Variants in IRX4 observed in about 807,000 individuals in gnomAD.
IRX4 encodes the protein iroquois homeobox 4.
IRX4 carries 22 observed loss-of-function variants against 32.0 expected under a neutral mutation model. The ratio of observed to expected loss-of-function variants is 0.69; its 90% CI spans 0.49 to 0.98. IRX4 has a LOEUF of 0.98. Among genes scored for constraint, IRX4 ranks in the 50% least tolerant of loss-of-function variants. IRX4 has a pLI of 0.00. For synonymous variants in IRX4, 379 were observed against 351.7 expected, an observed-to-expected ratio of 1.08 and a Z score of -0.87; for missense variants, 840 against 744.2, an observed-to-expected ratio of 1.13 and a Z score of -1.50.
chr5:1,884,714 C>G (rs569410466), upstream of IRX4: 16 of 152,362 alleles, frequency 1.1e-4, no homozygotes, highest in East Asian at 2.7e-3. Context: ...TCACCTGAAT[C>G]GCTAATATCA....
chr5:1,881,670 A>G (rs1735444893), intron 2 of IRX4, 138 bp downstream of exon 2: 1 of 1,102,748 alleles, frequency 9.1e-7, no homozygotes, highest in Non-Finnish European at 1.3e-6. Flanking sequence ...TGGGAGGCGC[A>G]AAGTTGAAGG....
intron 2 of IRX4, 76 bp from the exon 3 acceptor site, chr5:1,880,910 C>A (rs978875948): frequency 1.4e-5 from 16 of 1,119,046 alleles, no homozygotes; most frequent in Non-Finnish European, 2.2e-5. Context: ...AGGAGCCCCC[C>A]ACTCCCAAAG....
chr5:1,881,452 G>A (rs1689722), intron 2 of IRX4, among the ~76,000 whole-genome samples: 4 of 151,738 alleles, frequency 2.6e-5, no homozygotes, highest in African/African-American at 9.7e-5. Flanking sequence ...GAAGAGGGAG[G>A]CCAGGAGCCT....
chr5:1,882,458 GT>G, intron 1 of IRX4, 144 bp downstream of exon 1: 1 of 710,964 alleles, frequency 1.4e-6, no homozygotes, highest in South Asian at 1.9e-5. Flanking sequence ...GGGAGCAGGG[GT>G]TGGGCGTGAG....
chr5:1,886,595 C>G (rs1158906591), upstream of IRX4, among the ~76,000 whole-genome samples: 1 of 152,148 alleles, frequency 6.6e-6, no homozygotes, highest in Non-Finnish European at 1.5e-5. Flanking sequence ...CCGCGGCCCT[C>G]TCCCTCCTCT....
chr5:1,881,408 G>C (rs959316128), intron 2 of IRX4, among the ~76,000 whole-genome samples: 9 of 150,476 alleles, frequency 6.0e-5, no homozygotes, highest in Non-Finnish European at 1.2e-4. Context: ...GAGGGAGATA[G>C]GAAGGATGAG....
chr5:1,879,084 A>G (rs920672927), intron 4 of IRX4, among the ~76,000 whole-genome samples: 2 of 150,750 alleles, frequency 1.3e-5, no homozygotes, highest in Admixed American at 6.6e-5. Flanking sequence ...CTCCGCCTCC[A>G]GGGTTCAGGG....
chr5:1,884,977 G>GC (rs1418232561), upstream of IRX4, among the ~76,000 whole-genome samples: 3 of 149,606 alleles, frequency 2.0e-5, no homozygotes, highest in Non-Finnish European at 3.0e-5. Context: ...TGTGAGCCCA[G>GC]CCGGGCCAAG....
intron 2 of IRX4, among the ~76,000 whole-genome samples, chr5:1,881,340 G>C (rs1407704734): frequency 7.7e-6 from 1 of 129,628 alleles, no homozygotes; most frequent in Non-Finnish European, 1.6e-5. Context: ...GCAAGGGTGG[G>C]GGAGGAGCAA....
In IRX4 at chr5:1,878,539, C is replaced by A. The variant is rs1017199017; in HGVS notation, c.990G>T (p.Ala330=). ...CCGGCAGTGGCTCCGGCCCGGCCGC[C>A]GCGCTGCGGAGACAGCTCCGGGCCC... ...LERARSCLRS[A]AAGPEPLPGA... Residue 330 remains alanine, a synonymous_variant, in exon 5 of 5, where the codon GCG becomes GCT. Transcript: ENST00000231357. The A allele has an allele frequency of 1.1e-5, 16 of 1,456,018 alleles. No homozygotes were observed. The highest frequency in any genetic ancestry group is 1.4e-5 in the Non-Finnish European group (16 of 1,110,882). 90.2% of individuals were successfully genotyped at this position (1,456,018 alleles called of 1,614,324 possible).
chr5:1,879,639 T>G lies in IRX4; in HGVS notation c.601A>C (p.Lys201Gln), dbSNP rs1735357569. The G allele has an allele frequency of 6.2e-7, 1 of 1,614,006 alleles. No individual in the cohort carries two copies. Among genetic ancestry groups the G allele is most frequent in the African/African-American group, 1.3e-5 (1 of 74,944 alleles). The change falls in exon 4 of 5, where the codon AAG (lysine) becomes CAG (glutamine). Residue 201 changes from lysine to glutamine, a missense_variant. Around this residue, in one of 3 missense-constraint regions of IRX4, gnomAD observed 585 missense variants for 488.0 expected, o/e 1.20. Coordinates refer to ENST00000231357, the MANE Select transcript of IRX4 (RefSeq NM_016358.3). Reference sequence around the variant, plus strand: ...GGCCACGTCATCTTGTTCTCCTTCTTGAGGCGCCGGCGCGCGTTGGCGAAC... The same window carrying G: ...GGCCACGTCATCTTGTTCTCCTTCTGGAGGCGCCGGCGCGCGTTGGCGAAC... ...TWFANARRRLKKENKMTWPPR... is the reference protein window; with the variant it reads ...TWFANARRRLQKENKMTWPPR...
At chr5:1,881,777 G>A in intron 2 of IRX4, 31 bp downstream of exon 2, 2 of 1,563,066 alleles carry the variant, frequency 1.3e-6, no homozygotes, top group Non-Finnish European at 1.7e-6. Flanking sequence ...AGGGCCAGGG[G>A]CAGGGCAAGG....
At position 1,877,845 on chromosome 5, in the gene IRX4, C is replaced by A; in HGVS notation, c.*124G>T. On this transcript the variant is annotated 3_prime_UTR_variant, in exon 5 of 5. Transcript: ENST00000231357. ...TTCCCAGGAGTCCAAGTTCAGAAGCCCCCTCTCCGGTGGGTTGGCGGCTTC... is the reference window on the plus strand; with the variant it reads ...TTCCCAGGAGTCCAAGTTCAGAAGCACCCTCTCCGGTGGGTTGGCGGCTTC... 1.1e-6 allele frequency: 1 copy of A among 886,422 alleles called. No homozygotes were observed. Among genetic ancestry groups the A allele is most frequent in the Non-Finnish European group, 1.7e-6 (1 of 599,346 alleles). 54.9% of individuals were successfully genotyped at this position (886,422 alleles called of 1,614,324 possible). A position where few individuals can be genotyped will look rare whatever the true frequency, so the allele number is the denominator to read the frequency against.
At chr5:1,885,011 C>T (rs1458227448), upstream of IRX4, among the ~76,000 whole-genome samples, 3 of 152,244 alleles carry the variant, frequency 2.0e-5, no homozygotes, top group Non-Finnish European at 4.4e-5. Context: ...AGTAGAGACC[C>T]CCAGAGGGGA....
chr5:1,883,401 G>C (rs1183452201), upstream of IRX4, among the ~76,000 whole-genome samples: 1 of 152,142 alleles, frequency 6.6e-6, no homozygotes, highest in African/African-American at 2.4e-5. Flanking sequence ...GAAGGGGCTC[G>C]CAGGCGCCCC....
In IRX4 at chr5:1,879,601, C is replaced by T. The variant is rs1735355225; in HGVS notation, c.639G>A (p.Lys213=). 1.2e-6 allele frequency: 2 copies of T among 1,613,914 alleles called. No homozygotes were observed. The highest frequency in any genetic ancestry group is 3.3e-5 in the Admixed American group (2 of 60,008). The change falls in exon 4 of 5, where the codon AAG becomes AAA. Residue 213 remains lysine, a synonymous_variant. Coordinates refer to ENST00000231357, the MANE Select transcript of IRX4 (RefSeq NM_016358.3). ...ENKMTWPPRN[K]CADEKRPYAE... ...CGTAGGGCCGCTTCTCGTCTGCGCA[C>T]TTGTTCCGCGGCGGCCACGTCATCT...
At position 1,880,715 on chromosome 5, in the gene IRX4, G is replaced by A. The variant is rs371665057; in HGVS notation, c.407+10C>T. The A allele has an allele frequency of 7.6e-6, 12 of 1,587,138 alleles. No individual in the cohort carries two copies. The African/African-American group carries it at 1.5e-4, about 20-fold the overall frequency. On this transcript the variant is annotated intron_variant, in intron 3 of 4. Transcript: ENST00000231357. ...GGGGCTAGTGCTGGTTAGGAGGGGT[G>A]GGTCCTCACCTGTCATAGGGGTACT...
At chr5:1,886,609 C>T (rs909331583), upstream of IRX4, among the ~76,000 whole-genome samples, 2 of 152,140 alleles carry the variant, frequency 1.3e-5, no homozygotes, top group African/African-American at 4.8e-5. Flanking sequence ...CTCCTCTCTC[C>T]CGCTGCGCCC....
chr5:1,878,524 C>T lies in IRX4; in HGVS notation c.1005G>A (p.Glu335=). 6.9e-7 allele frequency: 1 copy of T among 1,440,946 alleles called. No homozygotes were observed. Among genetic ancestry groups the T allele is most frequent in the Non-Finnish European group, 9.1e-7 (1 of 1,104,452 alleles). The allele number at this position is 1,440,946 out of a possible 1,614,324, so 89.3% of individuals were successfully genotyped here. Residue 335 remains glutamate (E), a synonymous_variant, in exon 5 of 5, where the codon GAG becomes GAA. Transcript: ENST00000231357. ...SCLRSAAAGP[E]PLPGAEGGPQ... is the part of the protein sequence containing the mutation. Reference sequence around the variant, plus strand: ...GGCCGCCCTCTGCGCCCGGCAGTGGCTCCGGCCCGGCCGCCGCGCTGCGGA... The same window carrying T: ...GGCCGCCCTCTGCGCCCGGCAGTGGTTCCGGCCCGGCCGCCGCGCTGCGGA...
Sources: allele counts gnomAD v4.1 joint callset (sites outside exome capture counted in the v4.1 genomes callset), GRCh38; gene constraint gnomAD v4.1.1; regional missense constraint gnomAD v4.1.1; transcripts MANE v1.5; gene names NCBI Gene and HGNC (gene_info 2026-07-23, HGNC 2026-07-21).